PCSK6: variants seen among roughly 807,000 people sequenced by gnomAD.
The protein encoded by PCSK6 is paired basic amino acid cleaving enzyme 4.
A neutral mutation model predicts 123.3 loss-of-function variants in PCSK6; 85 were observed. That is an observed-to-expected ratio of 0.69 (90% CI 0.58 to 0.83). The LOEUF (loss-of-function observed/expected upper bound fraction) is 0.83. Ranked by LOEUF, PCSK6 falls within the 40% of genes least tolerant of loss-of-function variation. The probability of loss-of-function intolerance (pLI) is 0.00; values close to 1 mark genes in which losing one functional copy is unlikely to be tolerated. For synonymous variants in PCSK6, 508 were observed against 516.0 expected (o/e 0.98, Z 0.21); for missense variants, 1,191 against 1,282.3 (o/e 0.93, Z 1.09).
intron 9 of PCSK6, among the ~76,000 whole-genome samples, chr15:101,385,801 T>C (rs905413932): frequency 2.0e-5 from 3 of 152,220 alleles, no homozygotes; most frequent in African/African-American, 7.2e-5. Flanking sequence ...GAAAGGAATA[T>C]ATTTTTGCCC....
intron 7 of PCSK6, among the ~76,000 whole-genome samples, chr15:101,397,134 C>T (rs729246): frequency 0.23 from 34,774 of 151,948 alleles, 4,001 homozygotes; most frequent in Middle Eastern, 0.34. Context: ...TCCAGGGTTT[C>T]GGCAGGGCAG....
At chr15:101,403,964 G>T (rs758320292) in intron 6 of PCSK6, among the ~76,000 whole-genome samples, 1 of 152,144 alleles carries the variant, frequency 6.6e-6, no homozygotes, top group Non-Finnish European at 1.5e-5. Context: ...CAGGTGATCC[G>T]CCCACCTCGC....
intron 1 of PCSK6, among the ~76,000 whole-genome samples, chr15:101,465,139 C>T (rs550602980): frequency 7.1e-4 from 108 of 152,310 alleles, no homozygotes; most frequent in African/African-American, 2.5e-3. Flanking sequence ...AGGCTGGGAC[C>T]CTTTAAGAAA....
rs1454206355 is a variant in PCSK6, at chr15:101,382,178, G to A, written c.1446C>T (p.Asp482=). ...VSHFYGFGLV[D]AEALVVEAKK... is the part of the protein sequence containing the mutation. ...TTGCCTCCACAACGAGAGCTTCTGC[G>A]TCCACCAAACCAAATCCATAGAAAT... is the stretch of plus-strand genomic sequence containing the variant. Residue 482 remains aspartate, a synonymous_variant, in exon 11 of 22, where the codon GAC becomes GAT. Coordinates refer to ENST00000611716, the MANE Select transcript of PCSK6 (RefSeq NM_002570.5). The A allele has an allele frequency of 1.2e-5, 19 of 1,612,534 alleles. No homozygotes were observed. The highest frequency in any genetic ancestry group is 8.9e-5 in the East Asian group (4 of 44,880).
At chr15:101,320,133 G>A (rs2040083814) in intron 18 of PCSK6, among the ~76,000 whole-genome samples, 1 of 151,676 alleles carries the variant, frequency 6.6e-6, no homozygotes, top group Admixed American at 6.6e-5. Flanking sequence ...TCACCCAGGT[G>A]GGAGTGCAGT....
At chr15:101,468,186 A>T (rs1191893188) in intron 1 of PCSK6, among the ~76,000 whole-genome samples, 2 of 152,150 alleles carry the variant, frequency 1.3e-5, no homozygotes, top group African/African-American at 4.8e-5. Flanking sequence ...GGAGACAGGG[A>T]AAGTACCTAG....
At chr15:101,416,768 GC>G (rs1288240868) in intron 6 of PCSK6, among the ~76,000 whole-genome samples, 2 of 152,244 alleles carry the variant, frequency 1.3e-5, no homozygotes, top group Non-Finnish European at 2.9e-5. Context: ...GAGGGTGGGA[GC>G]CCCAAGCTTT....
At chr15:101,331,769 G>C in intron 14 of PCSK6, 80 bp from the exon 15 acceptor site, 1 of 1,600,482 alleles carries the variant, frequency 6.2e-7, no homozygotes, top group Non-Finnish European at 8.5e-7. Flanking sequence ...CCTTTGCCAG[G>C]AGCAGCCCTA....
At chr15:101,400,976 G>A (rs1294481457) in intron 6 of PCSK6, among the ~76,000 whole-genome samples, 1 of 152,204 alleles carries the variant, frequency 6.6e-6, no homozygotes, top group African/African-American at 2.4e-5. Context: ...GAGAATACAA[G>A]AGTCACCAAA....
rs558344402 is a variant in PCSK6 at position 101,435,678 on chromosome 15, C to T, written c.403-3578G>A. On this transcript the variant is annotated intron_variant, in intron 2 of 21. Transcript: ENST00000611716. ...CTTCATCGTCTTCTCAAGACAGGTG[C>T]GCAGCAACACTTTCTTTTGTAGTGT... Among the ~76,000 whole-genome samples, 7 of 152,342 alleles carry T rather than the reference C, an allele frequency of 4.6e-5. No homozygotes were observed. In the South Asian group the frequency reaches 8.3e-4, roughly 18 times the overall value.
In PCSK6 at chr15:101,398,626, AGC is replaced by A. The variant is rs2042493099; in HGVS notation, c.824-52_824-51del. ...GTCGGCGCCCAGGCTCCGGGCACACAGCGACGGGAACCCGGGCCCAGGAGGCT... is the reference window on the plus strand; with the variant it reads ...GTCGGCGCCCAGGCTCCGGGCACACAGACGGGAACCCGGGCCCAGGAGGCT... On this transcript the variant is annotated intron_variant, in intron 6 of 21. Coordinates refer to ENST00000611716, the MANE Select transcript of PCSK6 (RefSeq NM_002570.5). This position sits in a 1 kb window ranked among gnomAD's most constrained non-coding sequence, Gnocchi z 4.6. 6.4e-7 allele frequency: 1 copy of A among 1,574,260 alleles called. No individual in the cohort carries two copies. Among genetic ancestry groups the A allele is most frequent in the African/African-American group, 1.3e-5 (1 of 74,402 alleles).
chr15:101,488,487 G>A (rs927342780), intron 1 of PCSK6, among the ~76,000 whole-genome samples: 2 of 152,204 alleles, frequency 1.3e-5, no homozygotes, highest in African/African-American at 2.4e-5. Flanking sequence ...GGGGACAGCC[G>A]AGGGCTGCGG....
intron 11 of PCSK6, among the ~76,000 whole-genome samples, chr15:101,380,134 C>A (rs1419721179): frequency 3.3e-5 from 5 of 152,196 alleles, no homozygotes; most frequent in African/African-American, 1.2e-4. Flanking sequence ...TCCTTACTTT[C>A]CTCAAAGGAC....
At chr15:101,484,666 C>T (rs1169697473) in intron 1 of PCSK6, among the ~76,000 whole-genome samples, 1 of 152,250 alleles carries the variant, frequency 6.6e-6, no homozygotes, top group African/African-American at 2.4e-5. Context: ...GCTGGGATTA[C>T]AGGCGTGAGC....
At chr15:101,450,447 TCAGGCCTCC>T (rs956159006) in intron 1 of PCSK6, among the ~76,000 whole-genome samples, 9 of 152,184 alleles carry the variant, frequency 5.9e-5, no homozygotes, top group Non-Finnish European at 8.8e-5. Context: ...GGAAGCCCTC[TCAGGCCTCC>T]CAGGCCCTGT....
intron 17 of PCSK6, 136 bp downstream of exon 17, chr15:101,324,714 C>A: frequency 2.9e-6 from 2 of 698,062 alleles, no homozygotes; most frequent in South Asian, 3.8e-5. Context: ...TGCCTCCTTC[C>A]CTGTTCAAAG....
intron 7 of PCSK6, among the ~76,000 whole-genome samples, chr15:101,396,368 A>G (rs1328013108): frequency 6.6e-6 from 1 of 152,062 alleles, no homozygotes; most frequent in East Asian, 1.9e-4. Context: ...ACTGCCAAAC[A>G]ACCAGGACCC....
chr15:101,456,722 T>C (rs2057192722), intron 1 of PCSK6, among the ~76,000 whole-genome samples: 1 of 151,994 alleles, frequency 6.6e-6, no homozygotes, highest in African/African-American at 2.4e-5. Flanking sequence ...GTCCTAGCAG[T>C]GGAGGGAACA....
At chr15:101,444,554 C>G (rs2141156051) in intron 1 of PCSK6, among the ~76,000 whole-genome samples, 1 of 152,242 alleles carries the variant, frequency 6.6e-6, no homozygotes, top group Middle Eastern at 3.4e-3. Context: ...ACTAATGGTC[C>G]TCTACAGCAG....
Sources: gnomAD v4.1 joint callset for allele counts (sites outside exome capture counted in the v4.1 genomes callset) on GRCh38, gnomAD v4.1.1 for gene constraint, Gnocchi (gnomAD v3.1) non-coding constraint, MANE v1.5 for transcripts, NCBI Gene and HGNC (gene_info 2026-07-23, HGNC 2026-07-21) for gene names.